The following TNPO3 variants were observed in gnomAD, a reference collection of about 807,000 sequenced individuals.
TNPO3 encodes transportin-3.
Under a neutral mutation model 122.8 loss-of-function variants are expected in TNPO3, and 65 were observed. The observed-to-expected ratio is 0.53, with a 90% CI of 0.43 to 0.65. The LOEUF (loss-of-function observed/expected upper bound fraction) is 0.65. Ranked by LOEUF, TNPO3 falls within the 30% of genes least tolerant of loss-of-function variation. TNPO3 has a pLI of 0.00. For missense variants in TNPO3, 850 were observed against 1,136.7 expected (o/e 0.75, Z 3.63); for synonymous variants, 372 against 411.2 (o/e 0.90, Z 1.15).
intron 1 of TNPO3, among the ~76,000 whole-genome samples, chr7:129,053,145 G>A (rs1204734404): frequency 6.6e-6 from 1 of 152,086 alleles, no homozygotes; most frequent in Non-Finnish European, 1.5e-5. Context: ...CCAACATGGC[G>A]AAACCCCGTT....
intron 10 of TNPO3, among the ~76,000 whole-genome samples, chr7:128,990,871 T>C (rs538313474): frequency 2.0e-5 from 3 of 152,294 alleles, no homozygotes; most frequent in Non-Finnish European, 4.4e-5. Flanking sequence ...GTAAATAATA[T>C]CCTGGATTAC....
rs192564563 is a variant in TNPO3, at chr7:129,017,226, T to C, written c.322-170A>G. Among the ~76,000 whole-genome samples, 488 of 152,294 alleles carry C rather than the reference T, an allele frequency of 3.2e-3. 1 individual carries two copies. The highest frequency in any genetic ancestry group is 0.011 in the African/African-American group (467 of 41,546). ...TTCTATACATCTGATGTAAACTTTTTTGGGTTAGCTACAAATTGCTGAAAT... is the reference window on the plus strand; with the variant it reads ...TTCTATACATCTGATGTAAACTTTTCTGGGTTAGCTACAAATTGCTGAAAT... On this transcript the variant is annotated intron_variant, in intron 2 of 22. Coordinates refer to ENST00000265388, the MANE Select transcript of TNPO3 (RefSeq NM_012470.4).
intron 1 of TNPO3, among the ~76,000 whole-genome samples, chr7:129,025,277 G>C (rs1205822361): frequency 7.2e-6 from 1 of 138,818 alleles, no homozygotes; most frequent in African/African-American, 2.7e-5. Flanking sequence ...TTGAACCCGG[G>C]AGGCAGAAGT....
At chr7:129,000,014 T>C (rs1373831590) in intron 7 of TNPO3, among the ~76,000 whole-genome samples, 2 of 152,230 alleles carry the variant, frequency 1.3e-5, no homozygotes, top group Admixed American at 6.5e-5. Context: ...GGATTCTGAA[T>C]GACAGAGACC....
intron 1 of TNPO3, among the ~76,000 whole-genome samples, chr7:129,047,591 T>C (rs1808205295): frequency 6.6e-6 from 1 of 152,196 alleles, no homozygotes; most frequent in Non-Finnish European, 1.5e-5. Context: ...GAAAAGATGC[T>C]AACTCACAGT....
At chr7:128,985,385 A>C (rs1283705589) in intron 12 of TNPO3, among the ~76,000 whole-genome samples, 4 of 152,222 alleles carry the variant, frequency 2.6e-5, no homozygotes, top group African/African-American at 9.6e-5. Context: ...ACTTGAAGCC[A>C]TGAGTTCAAG....
In TNPO3 at chr7:128,989,978, C is replaced by T. The variant is rs1429759493; in HGVS notation, c.1481G>A (p.Arg494Gln). 6.8e-6 allele frequency: 11 copies of T among 1,613,952 alleles called. 1 individual carries two copies. The highest frequency in any genetic ancestry group is 6.7e-5 in the East Asian group (3 of 44,894). Residue 494 changes from arginine to glutamine, a missense_variant, in exon 11 of 23, where the codon CGA becomes CAA. Arg to Gln is a conservative substitution (Grantham distance 43). Transcript: ENST00000265388. ...LVGEMSEVVD[R>Q]NPQFLDPVLG... Reference sequence around the variant, plus strand: ...ACACATACCAAGGAACTGAGGATTTCGATCAACGACTTCACTCATCTCTCC... The same window carrying T: ...ACACATACCAAGGAACTGAGGATTTTGATCAACGACTTCACTCATCTCTCC...
chr7:129,056,130 A>C, upstream of TNPO3: 1 of 1,035,430 alleles, frequency 9.7e-7, no homozygotes, highest in Non-Finnish European at 1.5e-6. Flanking sequence ...GCCTGCCGAC[A>C]CCAAGGTGAT....
Position 128,986,889 on chromosome 7 carries a change from C to T in TNPO3, c.1530G>A (p.Leu510=). 6.2e-7 allele frequency: 1 copy of T among 1,613,380 alleles called. No individual in the cohort carries two copies. The highest frequency in any genetic ancestry group is 8.5e-7 in the Non-Finnish European group (1 of 1,179,816). The change falls in exon 12 of 23, where the codon CTG becomes CTA. Residue 510 remains leucine (L), a synonymous_variant. Transcript: ENST00000265388. The part of the protein sequence containing the change: ...DPVLGYLMKG[L]CEKPLASAAA... ...CAGCAGAAGCCAGGGGCTTTTCACA[C>T]AGGCCTTTCATCAAATAGCCCAACA...
chr7:129,035,491 T>C (rs555626784), intron 1 of TNPO3, among the ~76,000 whole-genome samples: 1 of 152,044 alleles, frequency 6.6e-6, no homozygotes, highest in Non-Finnish European at 1.5e-5. Context: ...TACATGCTTG[T>C]AATGCCAGCT....
At chr7:129,026,527 T>A (rs1165206804) in intron 1 of TNPO3, among the ~76,000 whole-genome samples, 1 of 149,812 alleles carries the variant, frequency 6.7e-6, no homozygotes, top group East Asian at 2.1e-4. Flanking sequence ...CTCAGCCTCC[T>A]AAGTAGCTGG....
chr7:129,019,931 G>A (rs1188043905), intron 1 of TNPO3, among the ~76,000 whole-genome samples: 1 of 151,966 alleles, frequency 6.6e-6, no homozygotes, highest in African/African-American at 2.4e-5. Flanking sequence ...AGGAGGCAGA[G>A]GTTGCAGTGA....
At chr7:128,971,661 G>A (rs1015240632) in intron 19 of TNPO3, among the ~76,000 whole-genome samples, 1 of 152,132 alleles carries the variant, frequency 6.6e-6, no homozygotes. Context: ...AAATTCCTGT[G>A]AAGCACTTTA....
intron 10 of TNPO3, 189 bp from the exon 11 acceptor site, chr7:128,990,289 G>T: frequency 1.4e-6 from 1 of 697,628 alleles, no homozygotes; most frequent in Non-Finnish European, 2.5e-6. Context: ...AGAAATGAAA[G>T]ATATTGTTTC....
intron 11 of TNPO3, 116 bp downstream of exon 11, chr7:128,989,845 T>C (rs1475902690): frequency 2.5e-6 from 3 of 1,188,454 alleles, no homozygotes; most frequent in Non-Finnish European, 3.6e-6. Flanking sequence ...TCTCAGTTTC[T>C]ATAAACACTC....
At chr7:129,042,761 CAATAT>C (rs1028672428) in intron 1 of TNPO3, among the ~76,000 whole-genome samples, 15 of 149,904 alleles carry the variant, frequency 1.0e-4, no homozygotes, top group African/African-American at 3.4e-4. Context: ...AAATATTTTT[CAATAT>C]AACTTCTTTT....
At chr7:129,034,543 C>T (rs1292698964) in intron 1 of TNPO3, among the ~76,000 whole-genome samples, 1 of 151,888 alleles carries the variant, frequency 6.6e-6, no homozygotes, top group Non-Finnish European at 1.5e-5. Context: ...TGAAACACAG[C>T]TTAGAATCTG....
chr7:129,003,030 A>C (rs1802137812), intron 5 of TNPO3, among the ~76,000 whole-genome samples: 3 of 82,346 alleles, frequency 3.6e-5, no homozygotes, highest in South Asian at 9.5e-4. Context: ...ACAGAGCGAG[A>C]CTCCCTCTCA....
intron 1 of TNPO3, among the ~76,000 whole-genome samples, chr7:129,020,304 T>C (rs1804331588): frequency 2.0e-5 from 3 of 152,216 alleles, no homozygotes; most frequent in Admixed American, 6.5e-5. Context: ...TTAATTAATG[T>C]AGTACTAATA....
Sources: allele counts gnomAD v4.1 joint callset (sites outside exome capture counted in the v4.1 genomes callset), GRCh38; gene constraint gnomAD v4.1.1; transcripts MANE v1.5; gene names NCBI Gene and HGNC (gene_info 2026-07-23, HGNC 2026-07-21).